EBF1: variants seen among roughly 807,000 people sequenced by gnomAD.
The protein encoded by EBF1 is EBF transcription factor 1.
In EBF1, 10 loss-of-function variants were observed where a neutral mutation model predicts 68.4. That is an observed-to-expected ratio of 0.15 (90% CI 0.09 to 0.25). EBF1 has a LOEUF of 0.25. EBF1 is among the 10% of genes least tolerant of loss of function. The pLI, the probability that EBF1 is intolerant of heterozygous loss-of-function variation, is 1.00. For synonymous variants in EBF1, 298 were observed against 299.8 expected (o/e 0.99, Z 0.06); for missense variants, 509 against 794.4 (o/e 0.64, Z 4.32).
chr5:158,858,624 A>G lies in EBF1; in HGVS notation c.555-18514T>C, dbSNP rs1203035746. Among the ~76,000 whole-genome samples the G allele has an allele frequency of 2.0e-5, 3 of 152,144 alleles. No individual in the cohort carries two copies. In the South Asian group the frequency reaches 6.2e-4, roughly 32 times the overall value. On this transcript the variant is annotated intron_variant, in intron 6 of 15. Coordinates refer to ENST00000313708, the MANE Select transcript of EBF1 (RefSeq NM_024007.5). ...CTGGCTGTCCCCCAAAATCTCCCCA[A>G]ATTCTCTCCTCTGTGCTTCTGCTAC...
chr5:158,758,277 C>CT (rs1337988247), intron 10 of EBF1, among the ~76,000 whole-genome samples: 1 of 152,120 alleles, frequency 6.6e-6, no homozygotes. Context: ...TGAGAGAGGA[C>CT]TTATACACGT....
chr5:158,790,078 G>A (rs1371504519), intron 9 of EBF1, among the ~76,000 whole-genome samples: 1 of 152,172 alleles, frequency 6.6e-6, no homozygotes, highest in Non-Finnish European at 1.5e-5. Flanking sequence ...CCCCGTGTCT[G>A]GGAATGTAGC....
At chr5:158,918,903 A>G (rs1807790993) in intron 6 of EBF1, among the ~76,000 whole-genome samples, 1 of 152,210 alleles carries the variant, frequency 6.6e-6, no homozygotes, top group Non-Finnish European at 1.5e-5. Flanking sequence ...AATTTAGGTT[A>G]AGGGAGGGCT....
intron 6 of EBF1, among the ~76,000 whole-genome samples, chr5:158,918,962 A>C (rs1562298264): frequency 6.6e-6 from 1 of 152,228 alleles, no homozygotes; most frequent in Non-Finnish European, 1.5e-5. Flanking sequence ...CTTTCAACTA[A>C]GGCATTCATT....
chr5:158,876,885 G>A (rs1299646516), intron 6 of EBF1, among the ~76,000 whole-genome samples: 1 of 151,910 alleles, frequency 6.6e-6, no homozygotes, highest in East Asian at 1.9e-4. Context: ...CATAATAGGA[G>A]GGTAACATTT....
intron 10 of EBF1, among the ~76,000 whole-genome samples, chr5:158,743,785 GA>G (rs1014247730): frequency 5.3e-5 from 8 of 151,652 alleles, no homozygotes; most frequent in Non-Finnish European, 1.2e-4. Context: ...TATACAGGAG[GA>G]AAAAAAATCA....
intron 6 of EBF1, among the ~76,000 whole-genome samples, chr5:158,926,887 G>A (rs1311810552): frequency 2.0e-5 from 3 of 152,028 alleles, no homozygotes; most frequent in Non-Finnish European, 4.4e-5. Flanking sequence ...AATTGCAACC[G>A]AATCAATACA....
chr5:158,866,853 A>ATGTATATG (rs1481641281), intron 6 of EBF1, among the ~76,000 whole-genome samples: 36 of 12,842 alleles, frequency 2.8e-3, no homozygotes, highest in Non-Finnish European at 3.8e-3. Context: ...ATATATATAT[A>ATGTATATG]TATATATATA....
chr5:158,957,640 C>A (rs895927846), intron 6 of EBF1, among the ~76,000 whole-genome samples: 2 of 152,212 alleles, frequency 1.3e-5, no homozygotes, highest in African/African-American at 4.8e-5. Context: ...AGCCATAGTT[C>A]CATGGCATGT....
chr5:158,969,878 A>G (rs1755084248), intron 6 of EBF1, among the ~76,000 whole-genome samples: 1 of 100,292 alleles, frequency 1.0e-5, no homozygotes, highest in Non-Finnish European at 2.2e-5. Flanking sequence ...GAAAGAAAGA[A>G]AGAAAGAAAG....
Position 158,698,528 on chromosome 5 carries a change from A to G in EBF1, c.*583T>C, listed in dbSNP as rs557755755. On this transcript the variant is annotated 3_prime_UTR_variant, in exon 16 of 16. Coordinates refer to ENST00000313708, the MANE Select transcript of EBF1 (RefSeq NM_024007.5). ...TAAGGGGTGGCATGTTAAGTTAGAT[A>G]TTGAAAATGCACTGTCTGAGCTAAC... 6.8e-5 allele frequency: 15 copies of G among 220,724 alleles called. No individual in the cohort carries two copies. Among genetic ancestry groups the G allele is most frequent in the Admixed American group, 5.8e-4 (10 of 17,348 alleles). 13.7% of individuals were successfully genotyped at this position (220,724 alleles called of 1,614,324 possible). A position where few individuals can be genotyped will look rare whatever the true frequency, so the allele number is the denominator to read the frequency against.
chr5:158,760,052 C>T (rs1306188789), intron 10 of EBF1, among the ~76,000 whole-genome samples: 3 of 152,078 alleles, frequency 2.0e-5, no homozygotes, highest in African/African-American at 7.2e-5. Context: ...TTTAAGGCCT[C>T]ACTGTGATGA....
rs374933381 is a variant in EBF1, at chr5:159,099,494, T to C, written c.-16A>G. On this transcript the variant is annotated 5_prime_UTR_variant, in exon 1 of 16. Coordinates refer to ENST00000313708, the MANE Select transcript of EBF1 (RefSeq NM_024007.5). ...TCCCAAACATGAAAACAACCTTTTC[T>C]TGTGGAAAATCTCCTCCCCCTTGAA... 2.0e-6 allele frequency: 3 copies of C among 1,480,872 alleles called. No homozygotes were observed. Among genetic ancestry groups the C allele is most frequent in the Non-Finnish European group, 2.7e-6 (3 of 1,111,040 alleles). 91.7% of individuals were successfully genotyped at this position (1,480,872 alleles called of 1,614,324 possible).
intron 8 of EBF1, among the ~76,000 whole-genome samples, chr5:158,821,848 GC>G (rs891147184): frequency 2.6e-5 from 4 of 152,298 alleles, no homozygotes; most frequent in Non-Finnish European, 5.9e-5. Context: ...TAAAGAAGCA[GC>G]TTTTGAAAGA....
chr5:158,707,229 A>T (rs907820148), intron 15 of EBF1, among the ~76,000 whole-genome samples: 4 of 152,232 alleles, frequency 2.6e-5, no homozygotes, highest in Non-Finnish European at 5.9e-5. Flanking sequence ...GACACACAAC[A>T]GAGTGCTAAG....
intron 6 of EBF1, among the ~76,000 whole-genome samples, chr5:158,913,902 T>C (rs935329226): frequency 6.6e-6 from 1 of 152,284 alleles, no homozygotes; most frequent in Non-Finnish European, 1.5e-5. Flanking sequence ...ACAAGTCTAC[T>C]TGAAACCAGG....
At chr5:158,985,579 C>G (rs1758859840) in intron 6 of EBF1, among the ~76,000 whole-genome samples, 1 of 152,232 alleles carries the variant, frequency 6.6e-6, no homozygotes, top group Non-Finnish European at 1.5e-5. Context: ...TTTTAAAATG[C>G]AAAGATCTCT....
At chr5:158,899,320 A>C (rs1440109054) in intron 6 of EBF1, among the ~76,000 whole-genome samples, 3 of 152,358 alleles carry the variant, frequency 2.0e-5, no homozygotes, top group Non-Finnish European at 2.9e-5. Context: ...TGATAGTGTA[A>C]GAGATAATCC....
chr5:158,955,358 A>G (rs1415922402), intron 6 of EBF1, among the ~76,000 whole-genome samples: 3 of 152,124 alleles, frequency 2.0e-5, no homozygotes, highest in African/African-American at 7.2e-5. Context: ...GTAATTGCAG[A>G]GTAGATGTAT....
Sources: allele counts gnomAD v4.1 joint callset (sites outside exome capture counted in the v4.1 genomes callset), GRCh38; gene constraint gnomAD v4.1.1; transcripts MANE v1.5; gene names NCBI Gene and HGNC (gene_info 2026-07-23, HGNC 2026-07-21).